The following FAM114A1 variants were observed in gnomAD, a reference collection of about 807,000 sequenced individuals.
The protein encoded by FAM114A1 is protein NOXP20.
Under a neutral mutation model 64.3 loss-of-function variants are expected in FAM114A1, and 62 were observed. The observed-to-expected ratio is 0.96, with a 90% CI of 0.79 to 1.19. The LOEUF (loss-of-function observed/expected upper bound fraction) is 1.19, where lower values mean the gene tolerates loss of function less well. Ranked by LOEUF, FAM114A1 falls within the 50% of genes most tolerant of loss-of-function variation. FAM114A1 has a pLI of 0.00. For missense variants in FAM114A1, 645 were observed against 676.3 expected (o/e 0.95, Z 0.51); for synonymous variants, 254 against 251.1 (o/e 1.01, Z -0.11).
At chr4:38,870,302 A>G (rs1713912900) in intron 2 of FAM114A1, among the ~76,000 whole-genome samples, 1 of 152,168 alleles carries the variant, frequency 6.6e-6, no homozygotes, top group African/African-American at 2.4e-5. Context: ...ACCACATCAA[A>G]GACACTTTCA....
At position 38,935,720 on chromosome 4, in the gene FAM114A1, T is replaced by A. The variant is rs772878894; in HGVS notation, c.1466T>A (p.Leu489Ter). 4.4e-6 allele frequency: 7 copies of A among 1,584,830 alleles called. No individual in the cohort carries two copies. Among genetic ancestry groups the A allele is most frequent in the Admixed American group, 1.9e-5 (1 of 53,624 alleles). ...CTTTTTTTTTTTTCTTCTTTCAGAT[T>A]AACTACTGCAATGTGCAATGAAGTG... ...AQDQAKVLIK[L>*]TTAMCNEVAS... Residue 489 changes from leucine (L) to a stop codon, truncating the protein, a stop_gained and splice_region_variant, in exon 13 of 15, where the codon TTA (leucine) becomes TAA (stop). Transcript: ENST00000358869. LOFTEE classifies it high-confidence loss of function.
chr4:38,933,121 G>A (rs150403983), intron 12 of FAM114A1, among the ~76,000 whole-genome samples: 38 of 152,134 alleles, frequency 2.5e-4, no homozygotes, highest in African/African-American at 8.4e-4. Flanking sequence ...CAAAGTGCTG[G>A]GATTACAGTC....
chr4:38,902,223 TA>T (rs1228880806), intron 4 of FAM114A1, among the ~76,000 whole-genome samples: 1 of 152,222 alleles, frequency 6.6e-6, no homozygotes, highest in African/African-American at 2.4e-5. Context: ...ATGAGTATAC[TA>T]ATATCCCTTA....
chr4:38,928,273 C>G (rs1720329512), intron 9 of FAM114A1, among the ~76,000 whole-genome samples: 1 of 152,136 alleles, frequency 6.6e-6, no homozygotes, highest in Admixed American at 6.6e-5. Context: ...ATCATGTAGT[C>G]AGGTGAGATA....
chr4:38,918,465 C>T (rs1041448275), intron 8 of FAM114A1, among the ~76,000 whole-genome samples: 1 of 151,978 alleles, frequency 6.6e-6, no homozygotes, highest in African/African-American at 2.4e-5. Context: ...ACACACGTAG[C>T]GAATAAAAAT....
At chr4:38,942,384 G>A (rs139865140) in intron 14 of FAM114A1, among the ~76,000 whole-genome samples, 180 of 152,236 alleles carry the variant, frequency 1.2e-3, no homozygotes, top group African/African-American at 3.9e-3. Flanking sequence ...GAAGGAATAG[G>A]AGCTGTAGGG....
chr4:38,891,786 G>T lies in FAM114A1; in HGVS notation c.392G>T (p.Gly131Val). Residue 131 changes from glycine to valine, a missense_variant, in exon 4 of 15, where the codon GGA becomes GTA. Gly to Val is a moderately radical substitution (Grantham distance 109, BLOSUM62 -3). Transcript: ENST00000358869. ...PPSGGGWAGW[G>V]SWGKSLLSSA... is the part of the protein sequence containing the mutation. Reference sequence around the variant, plus strand: ...AGTGGAGGAGGATGGGCAGGCTGGGGATCCTGGGGCAAATCTCTGCTGTCG... The same window carrying T: ...AGTGGAGGAGGATGGGCAGGCTGGGTATCCTGGGGCAAATCTCTGCTGTCG... The T allele has an allele frequency of 6.2e-7, 1 of 1,612,688 alleles. No individual in the cohort carries two copies.
At chr4:38,926,943 C>A (rs1451232691) in intron 9 of FAM114A1, among the ~76,000 whole-genome samples, 1 of 151,076 alleles carries the variant, frequency 6.6e-6, no homozygotes, top group Non-Finnish European at 1.5e-5. Flanking sequence ...AGAGCACTTA[C>A]CTCTTTGGGT....
At chr4:38,873,810 G>A (rs906350568) in intron 2 of FAM114A1, among the ~76,000 whole-genome samples, 1 of 152,168 alleles carries the variant, frequency 6.6e-6, no homozygotes, top group Admixed American at 6.5e-5. Context: ...TCAGAGCACA[G>A]AGGTCCCTGG....
chr4:38,881,418 G>A (rs1715261682), intron 3 of FAM114A1, among the ~76,000 whole-genome samples: 1 of 152,104 alleles, frequency 6.6e-6, no homozygotes. Flanking sequence ...AGAGCACCAC[G>A]GAATTACCTG....
At chr4:38,896,562 G>A (rs1716960679) in intron 4 of FAM114A1, among the ~76,000 whole-genome samples, 1 of 152,202 alleles carries the variant, frequency 6.6e-6, no homozygotes, top group South Asian at 2.1e-4. Context: ...CACACATGGA[G>A]CCAGGCTCAC....
chr4:38,897,533 A>T (rs1717052937), intron 4 of FAM114A1, among the ~76,000 whole-genome samples: 1 of 152,164 alleles, frequency 6.6e-6, no homozygotes, highest in South Asian at 2.1e-4. Flanking sequence ...AGAGGACTTA[A>T]CTCTTGCATT....
At chr4:38,911,435 CAGGAGT>C (rs1718518296) in intron 7 of FAM114A1, among the ~76,000 whole-genome samples, 1 of 152,174 alleles carries the variant, frequency 6.6e-6, no homozygotes. Context: ...TTTATGCTCC[CAGGAGT>C]AGGAGGGAGG....
At chr4:38,874,128 A>G (rs888775245) in intron 2 of FAM114A1, among the ~76,000 whole-genome samples, 1 of 152,254 alleles carries the variant, frequency 6.6e-6, no homozygotes, top group Non-Finnish European at 1.5e-5. Context: ...GATGTGGTTC[A>G]GTCTCAAAGT....
intron 3 of FAM114A1, among the ~76,000 whole-genome samples, chr4:38,887,926 A>G (rs546221903): frequency 1.3e-5 from 2 of 152,282 alleles, no homozygotes; most frequent in African/African-American, 2.4e-5. Flanking sequence ...TGATCACCCT[A>G]TGAGTTACAA....
At chr4:38,880,595 C>T (rs953197258) in intron 3 of FAM114A1, among the ~76,000 whole-genome samples, 1 of 152,188 alleles carries the variant, frequency 6.6e-6, no homozygotes, top group Non-Finnish European at 1.5e-5. Flanking sequence ...TGTCAAGAAT[C>T]AGCCCAAATA....
At chr4:38,894,287 T>A (rs1716701587) in intron 4 of FAM114A1, among the ~76,000 whole-genome samples, 1 of 152,134 alleles carries the variant, frequency 6.6e-6, no homozygotes, top group Admixed American at 6.6e-5. Context: ...CTCTTAAAGT[T>A]TCTCTGTGTC....
intron 9 of FAM114A1, among the ~76,000 whole-genome samples, chr4:38,927,780 T>C (rs1160942052): frequency 6.6e-6 from 1 of 152,180 alleles, no homozygotes; most frequent in African/African-American, 2.4e-5. Flanking sequence ...GCCTCCCAGG[T>C]TCAAGTGATT....
chr4:38,906,100 T>C (rs1423313143), intron 6 of FAM114A1, among the ~76,000 whole-genome samples: 2 of 152,190 alleles, frequency 1.3e-5, no homozygotes, highest in Non-Finnish European at 2.9e-5. Flanking sequence ...GGAAGGAACA[T>C]TTTTCAGTCT....
Sources: allele counts gnomAD v4.1 joint callset (sites outside exome capture counted in the v4.1 genomes callset), GRCh38; gene constraint gnomAD v4.1.1; transcripts MANE v1.5; gene names NCBI Gene and HGNC (gene_info 2026-07-23, HGNC 2026-07-21).